KCNG2: variants seen among roughly 807,000 people sequenced by gnomAD.
KCNG2 encodes the protein voltage-gated potassium channel regulatory subunit KCNG2.
KCNG2 carries 7 observed loss-of-function variants against 12.3 expected under a neutral mutation model. The ratio of observed to expected loss-of-function variants is 0.57; its 90% CI spans 0.32 to 1.07. The LOEUF is 1.07. Ranked by LOEUF, KCNG2 falls within the 50% of genes least tolerant of loss-of-function variation. KCNG2 has a pLI of 0.04. For missense variants in KCNG2, 703 were observed against 726.0 expected (o/e 0.97, Z 0.36); for synonymous variants, 414 against 351.4 (o/e 1.18, Z -1.99).
At chr18:79,809,805 A>C (rs558788923) in intron 1 of KCNG2, among the ~76,000 whole-genome samples, 1 of 152,334 alleles carries the variant, frequency 6.6e-6, no homozygotes, top group East Asian at 1.9e-4. Context: ...AGCTGTGGTC[A>C]CCTCGTCCAG....
At chr18:79,815,630 CCACAG>C (rs2087523145) in intron 1 of KCNG2, among the ~76,000 whole-genome samples, 1 of 152,156 alleles carries the variant, frequency 6.6e-6, no homozygotes, top group African/African-American at 2.4e-5. Flanking sequence ...CTGTCCCTGC[CCACAG>C]CACAAACCCC....
At chr18:79,824,768 G>GGTGCAT (rs2087599683) in intron 1 of KCNG2, among the ~76,000 whole-genome samples, 2 of 152,034 alleles carry the variant, frequency 1.3e-5, no homozygotes, top group Non-Finnish European at 2.9e-5. Flanking sequence ...TGATGTTAAT[G>GGTGCAT]GATTTCCTAC....
rs1268339223 is a variant in KCNG2 at position 79,861,526 on chromosome 18, G to A, written c.-40-2102G>A. ...ACTCCTGACCTCAGAGGATCCACCT[G>A]CCTCGGCCTCCCAAAGTGCTGGGAT... On this transcript the variant is annotated intron_variant, in intron 2 of 3. Transcript: ENST00000316249. Among the ~76,000 whole-genome samples, 4 of 152,156 alleles carry A rather than the reference G, an allele frequency of 2.6e-5. No homozygotes were observed. The East Asian group carries it at 5.8e-4, about 22-fold the overall frequency.
At chr18:79,817,368 G>A (rs1388256390) in intron 1 of KCNG2, among the ~76,000 whole-genome samples, 1 of 152,214 alleles carries the variant, frequency 6.6e-6, no homozygotes, top group Non-Finnish European at 1.5e-5. Flanking sequence ...GTCACACACA[G>A]TTGTCATGCC....
chr18:79,878,764 T>C (rs1789307677), intron 3 of KCNG2, among the ~76,000 whole-genome samples: 2 of 152,218 alleles, frequency 1.3e-5, no homozygotes, highest in Non-Finnish European at 2.9e-5. Context: ...AGAGTGTAAA[T>C]CCACATGGAC....
intron 1 of KCNG2, among the ~76,000 whole-genome samples, chr18:79,848,568 A>G (rs971792882): frequency 6.6e-6 from 1 of 152,042 alleles, no homozygotes; most frequent in African/African-American, 2.4e-5. Flanking sequence ...ACGCGAAAAG[A>G]CCCTGTTTCC....
intron 1 of KCNG2, among the ~76,000 whole-genome samples, chr18:79,824,677 CCT>C (rs2087598711): frequency 6.6e-6 from 1 of 152,116 alleles, no homozygotes; most frequent in African/African-American, 2.4e-5. Flanking sequence ...CCATCAACGC[CCT>C]GAGTATTCAT....
intron 3 of KCNG2, among the ~76,000 whole-genome samples, chr18:79,887,170 A>C (rs1200311175): frequency 7.1e-6 from 1 of 141,264 alleles, no homozygotes; most frequent in Non-Finnish European, 1.5e-5. Flanking sequence ...AGGGACAAGG[A>C]CACAGGGAGG....
In KCNG2 at chr18:79,864,057, G is replaced by T; in HGVS notation, c.390G>T (p.Ala130=). The T allele has an allele frequency of 9.0e-7, 1 of 1,108,868 alleles. No homozygotes were observed. Among genetic ancestry groups the T allele is most frequent in the Non-Finnish European group, 1.1e-6 (1 of 909,864 alleles). 68.7% of individuals were successfully genotyped at this position (1,108,868 alleles called of 1,614,324 possible). The change falls in exon 3 of 4, where the codon GCG becomes GCT. Residue 130 remains alanine, a synonymous_variant. Coordinates refer to ENST00000316249, the MANE Select transcript of KCNG2 (RefSeq NM_012283.2). The stretch of plus-strand genomic sequence containing the variant: ...GCCTGCGCCGCCGCGAGGAGGAGGC[G>T]GCCGAGGCCCGCGCGGGGCCGACGG... The part of the protein sequence containing the change: ...LRRLRRREEE[A]AEARAGPTER...
chr18:79,865,625 C>T (rs563959399), intron 3 of KCNG2, among the ~76,000 whole-genome samples: 1 of 134,836 alleles, frequency 7.4e-6, no homozygotes, highest in Non-Finnish European at 1.5e-5. Context: ...GGTCTGGGTG[C>T]TGAGGTCTGT....
intron 1 of KCNG2, among the ~76,000 whole-genome samples, chr18:79,849,440 C>G (rs1978739327): frequency 1.3e-5 from 2 of 152,228 alleles, no homozygotes; most frequent in South Asian, 4.1e-4. Context: ...CTGCCCTGTG[C>G]TGGGGCAGGT....
Position 79,899,738 on chromosome 18 carries a change from G to T in KCNG2, c.1323G>T (p.Glu441Asp). The T allele has an allele frequency of 1.9e-6, 3 of 1,594,010 alleles. No homozygotes were observed. Among genetic ancestry groups the T allele is most frequent in the Non-Finnish European group, 2.6e-6 (3 of 1,173,934 alleles). ...GCACGCACTCGGCCACAGCCACCGA[G>T]GACAGCTCGCAGGGCCCCGACAGCG... ...EDSTHSATATEDSSQGPDSAG... is the reference protein window; with the variant it reads ...EDSTHSATATDDSSQGPDSAG... The change falls in exon 4 of 4, where the codon GAG becomes GAT. Residue 441 changes from glutamate (E) to aspartate (D), a missense_variant. Coordinates refer to ENST00000316249, the MANE Select transcript of KCNG2 (RefSeq NM_012283.2).
chr18:79,809,397 C>T (rs1383138838), intron 1 of KCNG2, among the ~76,000 whole-genome samples: 2 of 147,488 alleles, frequency 1.4e-5, no homozygotes, highest in Non-Finnish European at 3.0e-5. Flanking sequence ...TGAGGAGCTG[C>T]CGGGGACACA....
intron 1 of KCNG2, among the ~76,000 whole-genome samples, chr18:79,838,464 G>A (rs1978368263): frequency 6.7e-6 from 1 of 148,836 alleles, no homozygotes; most frequent in African/African-American, 2.5e-5. Context: ...CAGGCTGACT[G>A]CAGTGATGCA....
At chr18:79,868,587 G>A (rs1184232872) in intron 3 of KCNG2, among the ~76,000 whole-genome samples, 1 of 152,236 alleles carries the variant, frequency 6.6e-6, no homozygotes, top group African/African-American at 2.4e-5. Context: ...TTGGCGTGTT[G>A]GTGACGTAAC....
At chr18:79,827,671 T>G (rs573498786) in intron 1 of KCNG2, among the ~76,000 whole-genome samples, 24 of 152,234 alleles carry the variant, frequency 1.6e-4, no homozygotes, top group East Asian at 3.9e-4. Context: ...TGGATTTCGC[T>G]TCTTCTGAAT....
chr18:79,839,396 C>A (rs1978393338), intron 1 of KCNG2, among the ~76,000 whole-genome samples: 1 of 152,206 alleles, frequency 6.6e-6, no homozygotes, highest in Non-Finnish European at 1.5e-5. Flanking sequence ...GACATAACTG[C>A]ATACCCTGTA....
At chr18:79,843,739 GAA>G (rs1182068138) in intron 1 of KCNG2, among the ~76,000 whole-genome samples, 3 of 151,968 alleles carry the variant, frequency 2.0e-5, no homozygotes, top group African/African-American at 7.2e-5. Flanking sequence ...ACACAAAAGA[GAA>G]AGAGAAAGGA....
At chr18:79,851,444 C>T (rs1233925619) in intron 1 of KCNG2, among the ~76,000 whole-genome samples, 2 of 152,192 alleles carry the variant, frequency 1.3e-5, no homozygotes, top group East Asian at 1.9e-4. Flanking sequence ...CCTCACTTTC[C>T]AGCCCTCAGT....
Sources: allele counts gnomAD v4.1 joint callset (sites outside exome capture counted in the v4.1 genomes callset), GRCh38; gene constraint gnomAD v4.1.1; transcripts MANE v1.5; gene names NCBI Gene and HGNC (gene_info 2026-07-23, HGNC 2026-07-21).